The following CACNA1C variants were observed in gnomAD, a reference collection of about 807,000 sequenced individuals.
CACNA1C encodes the protein voltage-dependent L-type calcium channel subunit alpha-1C.
In CACNA1C, 30 loss-of-function variants were observed where a neutral mutation model predicts 229.0. That is an observed-to-expected ratio of 0.13 (90% confidence interval 0.10 to 0.18). CACNA1C has a LOEUF of 0.18. CACNA1C is among the 10% of genes least tolerant of loss of function. CACNA1C has a pLI of 1.00. For synonymous variants in CACNA1C, 1,114 were observed against 1,132.5 expected (o/e 0.98, Z 0.33); for missense variants, 1,658 against 2,845.0 (o/e 0.58, Z 9.49).
chr12:2,313,030 T>A (rs1411309424), intron 3 of CACNA1C, among the ~76,000 whole-genome samples: 2 of 152,188 alleles, frequency 1.3e-5, no homozygotes, highest in African/African-American at 2.4e-5. Flanking sequence ...GAATTCTATA[T>A]AGCAGAACTT....
intron 3 of CACNA1C, chr12:2,288,753 C>A (rs370324824): frequency 6.6e-6 from 1 of 152,216 alleles, no homozygotes; most frequent in East Asian, 1.9e-4. Context: ...ATGCCAGCTA[C>A]CCAGTGGCTC....
chr12:2,513,040 AT>A, intron 9 of CACNA1C, 56 bp downstream of exon 9: 1 of 1,457,910 alleles, frequency 6.9e-7, no homozygotes, highest in South Asian at 1.3e-5. Context: ...AGGAGACAGC[AT>A]CGGGGTCAGC....
At chr12:2,234,147 T>C (rs1159186467) in intron 3 of CACNA1C, among the ~76,000 whole-genome samples, 1 of 152,226 alleles carries the variant, frequency 6.6e-6, no homozygotes, top group African/African-American at 2.4e-5. Context: ...ATGCAGCCTT[T>C]TCAAACGAGT....
At position 2,152,268 on chromosome 12, in the gene CACNA1C, G is replaced by A. The variant is rs972949106; in HGVS notation, c.477+31838G>A. 3.3e-5 allele frequency among the ~76,000 whole-genome samples: 5 copies of A among 152,200 alleles called. No homozygotes were observed. Among genetic ancestry groups the A allele is most frequent in the African/African-American group, 4.8e-5 (2 of 41,446 alleles). ...TTTCATAGGGATAGAATTTTCAGCTGGGCACATGACTGCTTAGAATGAAGA... is the reference window on the plus strand; with the variant it reads ...TTTCATAGGGATAGAATTTTCAGCTAGGCACATGACTGCTTAGAATGAAGA... On this transcript the variant is annotated intron_variant, in intron 3 of 46. Coordinates refer to ENST00000399655, the MANE Select transcript of CACNA1C (RefSeq NM_000719.7). This position sits in a 1 kb window ranked among gnomAD's most constrained non-coding sequence, Gnocchi z 4.2.
chr12:2,021,938 C>T (rs2046534635), intron 1 of CACNA1C, among the ~76,000 whole-genome samples: 1 of 152,200 alleles, frequency 6.6e-6, no homozygotes, highest in African/African-American at 2.4e-5. Flanking sequence ...TCGGGGGACA[C>T]AGTCAGACTA....
chr12:2,141,073 G>C (rs897595303), intron 3 of CACNA1C, among the ~76,000 whole-genome samples: 1 of 151,064 alleles, frequency 6.6e-6, no homozygotes, highest in African/African-American at 2.4e-5. Context: ...GGAGGAGGCT[G>C]CGGGCAGGGG....
chr12:2,357,255 T>C (rs932312594), intron 3 of CACNA1C, among the ~76,000 whole-genome samples: 1 of 152,150 alleles, frequency 6.6e-6, no homozygotes, highest in Non-Finnish European at 1.5e-5. Flanking sequence ...TACAAGAGAA[T>C]CACCTTGCTC....
chr12:2,105,340 C>T (rs563237373), intron 1 of CACNA1C, among the ~76,000 whole-genome samples: 19 of 152,228 alleles, frequency 1.2e-4, no homozygotes, highest in African/African-American at 4.1e-4. Context: ...GGGAGAGAGC[C>T]GCAGATCTCC....
Position 2,486,869 on chromosome 12 carries a change from C to T in CACNA1C, c.916+607C>T, listed in dbSNP as rs1041137568. Among the ~76,000 whole-genome samples, 1 of 152,180 alleles carries T rather than the reference C, an allele frequency of 6.6e-6. No homozygotes were observed. The highest frequency in any genetic ancestry group is 2.1e-4 in the South Asian group (1 of 4,832). On this transcript the variant is annotated intron_variant, in intron 6 of 46. Coordinates refer to ENST00000399655, the MANE Select transcript of CACNA1C (RefSeq NM_000719.7). This position sits in a 1 kb window ranked among gnomAD's most constrained non-coding sequence, Gnocchi z 4.9. ...TGCCGGCAGCCAAACTTCCTCCCTT[C>T]AAGGAGAAGGCTTAGTTCTACCCCA...
chr12:2,278,200 A>C (rs976235214), intron 3 of CACNA1C, among the ~76,000 whole-genome samples: 2 of 152,244 alleles, frequency 1.3e-5, no homozygotes, highest in African/African-American at 2.4e-5. Flanking sequence ...GACTAGGTAC[A>C]ATTTTCATAC....
chr12:2,386,156 C>G (rs1037256501), intron 3 of CACNA1C, among the ~76,000 whole-genome samples: 3 of 152,194 alleles, frequency 2.0e-5, no homozygotes, highest in African/African-American at 7.2e-5. Flanking sequence ...CAGTGACATC[C>G]CATTGGTAGC....
At chr12:2,334,387 A>T (rs577617204) in intron 3 of CACNA1C, among the ~76,000 whole-genome samples, 33 of 152,318 alleles carry the variant, frequency 2.2e-4, no homozygotes, top group Middle Eastern at 3.4e-3. Flanking sequence ...TAGGCTCAAA[A>T]GGACAGGAGC....
At chr12:2,049,628 T>C (rs1201082824), upstream of CACNA1C, among the ~76,000 whole-genome samples, 1 of 152,036 alleles carries the variant, frequency 6.6e-6, no homozygotes, top group Non-Finnish European at 1.5e-5. Flanking sequence ...ACACCTAAAA[T>C]GTAGTAAGGA....
intron 3 of CACNA1C, among the ~76,000 whole-genome samples, chr12:2,251,395 T>G (rs1011275072): frequency 6.6e-6 from 1 of 152,194 alleles, no homozygotes; most frequent in East Asian, 1.9e-4. Flanking sequence ...GTTGAAATCC[T>G]CCTTTGTAAT....
Position 2,012,787 on chromosome 12 carries a change from A to G in CACNA1C, c.139+41586A>G, listed in dbSNP as rs562781442. Among the ~76,000 whole-genome samples the G allele has an allele frequency of 9.8e-5, 15 of 152,360 alleles. No individual in the cohort carries two copies. The South Asian group carries it at 2.9e-3, about 29-fold the overall frequency. On this transcript the variant is annotated intron_variant, in intron 1 of 46. Coordinates refer to the CACNA1C transcript ENST00000682462. ...AGGAAGGAGGATCAGTGAGACCTCT[A>G]GTAGTTGGGGAAAGCAATATTTAGT...
chr12:2,040,217 CA>C (rs1265147457), intron 1 of CACNA1C, among the ~76,000 whole-genome samples: 2 of 151,902 alleles, frequency 1.3e-5, no homozygotes, highest in African/African-American at 4.8e-5. Flanking sequence ...TAGAAACTAT[CA>C]AAGATGGCTT....
intron 3 of CACNA1C, among the ~76,000 whole-genome samples, chr12:2,442,222 A>G (rs886082108): frequency 6.6e-6 from 1 of 152,192 alleles, no homozygotes; most frequent in African/African-American, 2.4e-5. Flanking sequence ...TAAATTGGAA[A>G]ACTAGGATAG....
At chr12:2,135,131 T>C (rs1249930164) in intron 3 of CACNA1C, among the ~76,000 whole-genome samples, 58 of 144,908 alleles carry the variant, frequency 4.0e-4, no homozygotes, top group African/African-American at 6.4e-4. Context: ...CTTCATGTAG[T>C]TCTTGAGCCT....
rs1476892019 is a variant in CACNA1C at position 2,493,986 on chromosome 12, G to T, written c.1113+600G>T. Among the ~76,000 whole-genome samples, 1 of 151,978 alleles carries T rather than the reference G, an allele frequency of 6.6e-6. No individual in the cohort carries two copies. Among genetic ancestry groups the T allele is most frequent in the Non-Finnish European group, 1.5e-5 (1 of 68,008 alleles). On this transcript the variant is annotated intron_variant, in intron 7 of 46. Transcript: ENST00000399655. This position sits in a 1 kb window ranked among gnomAD's most constrained non-coding sequence, Gnocchi z 4.6. Reference sequence around the variant, plus strand: ...ATTCCCCAAACATGCTGCTGGTCATGTGATGCCTATTTAGAAATACACTTT... The same window carrying T: ...ATTCCCCAAACATGCTGCTGGTCATTTGATGCCTATTTAGAAATACACTTT...
Sources: gnomAD v4.1 joint callset for allele counts (sites outside exome capture counted in the v4.1 genomes callset) on GRCh38, gnomAD v4.1.1 for gene constraint, Gnocchi (gnomAD v3.1) non-coding constraint, MANE v1.5 for transcripts, NCBI Gene and HGNC (gene_info 2026-07-23, HGNC 2026-07-21) for gene names.